Variants in C1GALT1 observed in about 807,000 individuals in gnomAD.
C1GALT1 encodes the protein core 1 synthase, glycoprotein-N-acetylgalactosamine 3-beta-galactosyltransferase 1.
A neutral mutation model predicts 31.0 loss-of-function variants in C1GALT1; 11 were observed. The ratio of observed to expected loss-of-function variants is 0.36; its 90% CI spans 0.22 to 0.59. C1GALT1 has a LOEUF of 0.59. C1GALT1 is among the 20% of genes least tolerant of loss of function. C1GALT1 has a pLI of 0.79. For missense variants in C1GALT1, 424 were observed against 425.2 expected (o/e 1.00, Z 0.03); for synonymous variants, 175 against 143.6 (o/e 1.22, Z -1.56).
intron 2 of C1GALT1, among the ~76,000 whole-genome samples, chr7:7,162,458 T>C (rs1384557798): frequency 6.6e-6 from 1 of 151,716 alleles, no homozygotes; most frequent in Admixed American, 6.6e-5. Flanking sequence ...TCATTTTTTA[T>C]GGCTGCATGG....
chr7:7,205,273 T>C (rs911659532), intron 1 of C1GALT1, among the ~76,000 whole-genome samples: 5 of 152,220 alleles, frequency 3.3e-5, no homozygotes, highest in Non-Finnish European at 4.4e-5. Context: ...GAAATCTGCA[T>C]GTAACTTTTG....
Position 7,246,552 on chromosome 7 carries a change from G to A in C1GALT1, c.*2825G>A, listed in dbSNP as rs1357436417. The stretch of plus-strand genomic sequence containing the variant: ...GCATTCTTACCAGATACCTTGGGCA[G>A]TGACTGTCAAAAGTCTGGTCCCAAC... On this transcript the variant is annotated 3_prime_UTR_variant, in exon 4 of 4. Coordinates refer to ENST00000436587, the MANE Select transcript of C1GALT1 (RefSeq NM_020156.5). 1.3e-5 allele frequency: 2 copies of A among 152,108 alleles called. No individual in the cohort carries two copies. Among genetic ancestry groups the A allele is most frequent in the Non-Finnish European group, 2.9e-5 (2 of 68,026 alleles). 9.4% of individuals were successfully genotyped at this position (152,108 alleles called of 1,614,324 possible).
intron 1 of C1GALT1, among the ~76,000 whole-genome samples, chr7:7,191,326 T>C (rs886313836): frequency 3.3e-5 from 5 of 152,172 alleles, no homozygotes; most frequent in African/African-American, 9.7e-5. Context: ...ATTTCCTTAC[T>C]TTTCAAGGCT....
chr7:7,217,706 C>A (rs1782308238), intron 1 of C1GALT1, among the ~76,000 whole-genome samples: 1 of 152,182 alleles, frequency 6.6e-6, no homozygotes, highest in Non-Finnish European at 1.5e-5. Flanking sequence ...CAAAGTCTCA[C>A]TCTGTTGCCC....
At chr7:7,185,100 A>T (rs890044516) in intron 1 of C1GALT1, among the ~76,000 whole-genome samples, 3 of 152,188 alleles carry the variant, frequency 2.0e-5, no homozygotes, top group African/African-American at 7.2e-5. Flanking sequence ...GGAGAAAAAA[A>T]ATATATAAAG....
intron 1 of C1GALT1, 111 bp downstream of exon 1, chr7:7,182,931 G>A (rs900563977): frequency 4.8e-6 from 4 of 837,954 alleles, no homozygotes; most frequent in Non-Finnish European, 5.8e-6. Flanking sequence ...CAAACCCCGG[G>A]CGCGGCGGAA....
intron 1 of C1GALT1, 112 bp from the exon 2 acceptor site, chr7:7,234,190 TA>T: frequency 1.3e-6 from 1 of 752,498 alleles, no homozygotes; most frequent in Non-Finnish European, 2.2e-6. Context: ...AGATAATAGC[TA>T]AATACTGTTA....
intron 1 of C1GALT1, among the ~76,000 whole-genome samples, chr7:7,205,441 C>A (rs1160507044): frequency 1.3e-5 from 2 of 150,914 alleles, no homozygotes; most frequent in African/African-American, 4.9e-5. Flanking sequence ...AATTTATTTA[C>A]AGTTCATTAA....
chr7:7,190,516 A>C (rs1394622436), intron 1 of C1GALT1, among the ~76,000 whole-genome samples: 4 of 152,192 alleles, frequency 2.6e-5, no homozygotes, highest in Admixed American at 6.5e-5. Context: ...CATTGTCTTT[A>C]GTATTAACAA....
At chr7:7,158,834 A>G (rs934172837) in intron 2 of C1GALT1, among the ~76,000 whole-genome samples, 2 of 151,994 alleles carry the variant, frequency 1.3e-5, no homozygotes, top group Non-Finnish European at 2.9e-5. Flanking sequence ...TTGCCTACCC[A>G]AACACACAAA....
chr7:7,173,620 G>C (rs1780476566), intron 2 of C1GALT1, among the ~76,000 whole-genome samples: 1 of 152,134 alleles, frequency 6.6e-6, no homozygotes, highest in Non-Finnish European at 1.5e-5. Flanking sequence ...AGTACAGACT[G>C]GACTGGGCAC....
chr7:7,228,095 C>G (rs1485865499), intron 1 of C1GALT1, among the ~76,000 whole-genome samples: 3 of 152,128 alleles, frequency 2.0e-5, no homozygotes, highest in African/African-American at 7.2e-5. Flanking sequence ...TGCAGATGCT[C>G]TTAGTACAGG....
upstream of C1GALT1, among the ~76,000 whole-genome samples, chr7:7,179,726 G>T (rs1780548506): frequency 6.6e-6 from 1 of 152,212 alleles, no homozygotes; most frequent in South Asian, 2.1e-4. Flanking sequence ...GACCTGGTAA[G>T]TTGGCCCTCC....
chr7:7,237,963 A>G (rs954112217), intron 2 of C1GALT1, among the ~76,000 whole-genome samples: 1 of 152,200 alleles, frequency 6.6e-6, no homozygotes, highest in African/African-American at 2.4e-5. Flanking sequence ...CATTTCTAAC[A>G]GGCTCCCAGG....
At chr7:7,177,568 TC>T (rs1186604731), upstream of C1GALT1, among the ~76,000 whole-genome samples, 3 of 152,312 alleles carry the variant, frequency 2.0e-5, no homozygotes, top group East Asian at 5.8e-4. Context: ...AATTATGCAT[TC>T]TTTTAAAAGA....
Position 7,234,336 on chromosome 7 carries a change from G to T in C1GALT1, c.17G>T (p.Trp6Leu). The T allele has an allele frequency of 6.2e-7, 1 of 1,613,570 alleles. No individual in the cohort carries two copies. Residue 6 changes from tryptophan (W) to leucine (L), a missense_variant, in exon 2 of 4, where the codon TGG becomes TTG. Around this residue, in one of 3 missense-constraint regions of C1GALT1, gnomAD observed 189 missense variants for 158.2 expected, o/e 1.19. Transcript: ENST00000436587. ...TTTCGGGAAATGGCCTCTAAATCCT[G>T]GCTGAATTTTTTAACCTTCCTCTGT... MASKS[W>L]LNFLTFLCGS...
chr7:7,166,938 A>G (rs1780400284), intron 2 of C1GALT1, among the ~76,000 whole-genome samples: 1 of 152,214 alleles, frequency 6.6e-6, no homozygotes, highest in African/African-American at 2.4e-5. Flanking sequence ...GCTGGAATTC[A>G]AACACATCAA....
At position 7,159,334 on chromosome 7, in the gene C1GALT1, A is replaced by T. The variant is rs560989688; in HGVS notation, c.-18+1908A>T. Among the ~76,000 whole-genome samples, 27 of 152,272 alleles carry T rather than the reference A, an allele frequency of 1.8e-4. No individual in the cohort carries two copies. In the East Asian group the frequency reaches 5.2e-3, roughly 29 times the overall value. On this transcript the variant is annotated intron_variant, in intron 2 of 3. Transcript: ENST00000429911. ...GTCAGATATAAAAAGTAGAACTAAA[A>T]AATAAAAAGGAAGAGATTGGAAAGA...
At chr7:7,227,821 G>A (rs1782847058) in intron 1 of C1GALT1, among the ~76,000 whole-genome samples, 1 of 152,092 alleles carries the variant, frequency 6.6e-6, no homozygotes, top group African/African-American at 2.4e-5. Context: ...AGACTCTTCA[G>A]AGGAGAGTCC....
Sources: gnomAD v4.1 joint callset for allele counts (sites outside exome capture counted in the v4.1 genomes callset) on GRCh38, gnomAD v4.1.1 for gene constraint, gnomAD v4.1.1 regional missense constraint, MANE v1.5 for transcripts, NCBI Gene and HGNC (gene_info 2026-07-23, HGNC 2026-07-21) for gene names.